The following FRMD3 variants were observed in gnomAD, a reference collection of about 807,000 sequenced individuals.
The protein encoded by FRMD3 is FERM domain containing 3.
A neutral mutation model predicts 70.2 loss-of-function variants in FRMD3; 33 were observed. The observed-to-expected ratio is 0.47, with a 90% CI of 0.36 to 0.63. The LOEUF (loss-of-function observed/expected upper bound fraction) is 0.63, where lower values mean the gene tolerates loss of function less well. Among genes scored for constraint, FRMD3 ranks in the 20% least tolerant of loss-of-function variants. The pLI is 0.00. For synonymous variants in FRMD3, 279 were observed against 255.9 expected (o/e 1.09, Z -0.86); for missense variants, 632 against 711.4 (o/e 0.89, Z 1.27).
chr9:83,316,644 A>G (rs1395865547), intron 6 of FRMD3, among the ~76,000 whole-genome samples: 4 of 152,198 alleles, frequency 2.6e-5, no homozygotes, highest in African/African-American at 7.2e-5. Flanking sequence ...ATTCATCCCA[A>G]TCAGTACTTG....
chr9:83,470,090 T>G (rs1356580499), intron 1 of FRMD3, among the ~76,000 whole-genome samples: 1 of 152,060 alleles, frequency 6.6e-6, no homozygotes, highest in Non-Finnish European at 1.5e-5. Flanking sequence ...CAGAAGAAAC[T>G]GATGTAGCAA....
chr9:83,571,268 G>T, the FRMD3 span, among the ~76,000 whole-genome samples: 7 of 152,298 alleles, frequency 4.6e-5, no homozygotes, highest in East Asian at 1.3e-3. Context: ...TTTCCACCAT[G>T]AGTAGAAGCA....
At chr9:83,355,738 A>C (rs757918721) in intron 3 of FRMD3, among the ~76,000 whole-genome samples, 1 of 152,174 alleles carries the variant, frequency 6.6e-6, no homozygotes, top group Non-Finnish European at 1.5e-5. Context: ...GGGAGGTGGA[A>C]ATAGGAGGGA....
intron 6 of FRMD3, among the ~76,000 whole-genome samples, chr9:83,315,299 TC>T (rs1835524324): frequency 6.6e-6 from 1 of 152,204 alleles, no homozygotes; most frequent in Non-Finnish European, 1.5e-5. Context: ...GTTTGGTGAT[TC>T]CTGTTGGACT....
At chr9:83,377,484 G>T (rs767187995) in intron 2 of FRMD3, among the ~76,000 whole-genome samples, 23 of 151,980 alleles carry the variant, frequency 1.5e-4, no homozygotes, top group Non-Finnish European at 2.8e-4. Flanking sequence ...CCCAATGTTG[G>T]AGGTGGGGCC....
In FRMD3 at chr9:83,522,397, G is replaced by C. The variant is rs747826933; in HGVS notation, c.147+15688C>G. On this transcript the variant is annotated intron_variant, in intron 1 of 13. Coordinates refer to ENST00000304195, the MANE Select transcript of FRMD3 (RefSeq NM_174938.6). ...CGTAGAGAAGCCTTCAGCGGCTGGG[G>C]GGGCAGGGAGCTGTGCCTGTCCCAG... Among the ~76,000 whole-genome samples the C allele has an allele frequency of 4.6e-5, 7 of 152,202 alleles. No individual in the cohort carries two copies. In the East Asian group the frequency reaches 5.8e-4, roughly 13 times the overall value.
At chr9:83,423,581 G>GTTTA in intron 1 of FRMD3, among the ~76,000 whole-genome samples, 1 of 62,440 alleles carries the variant, frequency 1.6e-5, no homozygotes, top group African/African-American at 6.5e-5. Context: ...CACTAGCCCT[G>GTTTA]TTTCTTTTTT....
At chr9:83,372,842 A>C in intron 3 of FRMD3, 71 bp downstream of exon 3, 1 of 1,360,702 alleles carries the variant, frequency 7.3e-7, no homozygotes, top group Non-Finnish European at 1.1e-6. Context: ...TGGCAGGAGA[A>C]AGTTTGTCAG....
At chr9:83,424,193 C>G (rs953872138) in intron 1 of FRMD3, among the ~76,000 whole-genome samples, 3 of 152,104 alleles carry the variant, frequency 2.0e-5, no homozygotes, top group Admixed American at 6.5e-5. Context: ...GCACAATGAC[C>G]CTGTTCAACG....
At chr9:83,298,268 C>G (rs1213359976) in intron 12 of FRMD3, among the ~76,000 whole-genome samples, 1 of 152,204 alleles carries the variant, frequency 6.6e-6, no homozygotes, top group Non-Finnish European at 1.5e-5. Context: ...GACTGCATAT[C>G]GTCACCTTAA....
At chr9:83,410,252 G>T (rs12379218) in intron 1 of FRMD3, among the ~76,000 whole-genome samples, 3 of 152,138 alleles carry the variant, frequency 2.0e-5, no homozygotes, top group African/African-American at 7.2e-5. Context: ...CCATCACCCA[G>T]GTACTGAGTA....
At chr9:83,545,944 T>C in the FRMD3 span, among the ~76,000 whole-genome samples, 9 of 151,380 alleles carry the variant, frequency 5.9e-5, no homozygotes, top group African/African-American at 1.9e-4. Context: ...AGAATCCTAA[T>C]AGCAGCAAGA....
At chr9:83,322,988 C>A (rs138172997) in intron 6 of FRMD3, among the ~76,000 whole-genome samples, 4 of 152,172 alleles carry the variant, frequency 2.6e-5, no homozygotes, top group African/African-American at 9.7e-5. Flanking sequence ...TATGAGAAAC[C>A]ACTAACATCT....
Position 83,335,585 on chromosome 9 carries a change from A to C in FRMD3, c.527T>G (p.Phe176Cys), listed in dbSNP as rs759733333. 2 of 1,613,310 alleles carry C rather than the reference A, an allele frequency of 1.2e-6. No homozygotes were observed. The highest frequency in any genetic ancestry group is 1.7e-6 in the Non-Finnish European group (2 of 1,179,370). The change falls in exon 6 of 14, where the codon TTT (phenylalanine) becomes TGT (cysteine). Residue 176 changes from phenylalanine (F) to cysteine (C), a missense_variant. Phe to Cys is a radical substitution (Grantham distance 205). This residue lies in a region of FRMD3 where 208 missense variants were observed against 247.7 expected (regional missense o/e 0.84). Coordinates refer to ENST00000304195, the MANE Select transcript of FRMD3 (RefSeq NM_174938.6). ...CTGTGACTGCTTGGGGAAAATCTCAAACTCACTGATGTAATTCTCAGGATG... is the reference window on the plus strand; with the variant it reads ...CTGTGACTGCTTGGGGAAAATCTCACACTCACTGATGTAATTCTCAGGATG... ...DEHPENYISE[F>C]EIFPKQSQKL... is the part of the protein sequence containing the mutation.
At chr9:83,432,005 G>C (rs1055763773) in intron 1 of FRMD3, among the ~76,000 whole-genome samples, 1 of 152,124 alleles carries the variant, frequency 6.6e-6, no homozygotes, top group African/African-American at 2.4e-5. Flanking sequence ...GTGGCAGCTC[G>C]AGGCATAGAC....
chr9:83,385,881 C>T (rs1825497717), intron 2 of FRMD3, among the ~76,000 whole-genome samples: 1 of 152,072 alleles, frequency 6.6e-6, no homozygotes, highest in South Asian at 2.1e-4. Flanking sequence ...ATAGTAGTGC[C>T]CCCTGCCTTT....
chr9:83,496,001 A>G (rs753155045), intron 1 of FRMD3, among the ~76,000 whole-genome samples: 15 of 152,242 alleles, frequency 9.9e-5, no homozygotes, highest in Admixed American at 3.3e-4. Context: ...TCGAGCTTAC[A>G]TGGCACACAC....
intron 3 of FRMD3, among the ~76,000 whole-genome samples, chr9:83,359,601 A>G (rs893054282): frequency 6.6e-6 from 1 of 152,190 alleles, no homozygotes; most frequent in Non-Finnish European, 1.5e-5. Context: ...GCCACCACCA[A>G]TACATAAACA....
At chr9:83,279,558 A>G (rs1012413721) in intron 13 of FRMD3, 3 of 152,138 alleles carry the variant, frequency 2.0e-5, no homozygotes, top group Non-Finnish European at 2.9e-5. Context: ...CCAAATCCCC[A>G]TCAATGAGAG....
Sources: allele counts gnomAD v4.1 joint callset (sites outside exome capture counted in the v4.1 genomes callset), GRCh38; gene constraint gnomAD v4.1.1; regional missense constraint gnomAD v4.1.1; transcripts MANE v1.5; gene names NCBI Gene and HGNC (gene_info 2026-07-23, HGNC 2026-07-21).